Variants in ESRRG observed in about 807,000 individuals in gnomAD.
ESRRG encodes estrogen-related receptor gamma.
In ESRRG, 13 loss-of-function variants were observed where a neutral mutation model predicts 44.0. That is an observed-to-expected ratio of 0.30 (90% confidence interval 0.19 to 0.47). The LOEUF (loss-of-function observed/expected upper bound fraction) is 0.47. Ranked by LOEUF, ESRRG falls within the 20% of genes least tolerant of loss-of-function variation. The pLI, the probability that ESRRG is intolerant of heterozygous loss-of-function variation, is 1.00. For synonymous variants in ESRRG, 215 were observed against 214.6 expected (o/e 1.00, Z -0.02); for missense variants, 395 against 580.6 (o/e 0.68, Z 3.29).
intron 1 of ESRRG, among the ~76,000 whole-genome samples, chr1:217,002,267 A>C (rs2077124535): frequency 6.7e-6 from 1 of 148,768 alleles, no homozygotes. Flanking sequence ...GTGCCACTGC[A>C]CTCCAGCCTG....
At chr1:216,535,357 A>T (rs2050622517) in intron 5 of ESRRG, among the ~76,000 whole-genome samples, 1 of 152,066 alleles carries the variant, frequency 6.6e-6, no homozygotes, top group Non-Finnish European at 1.5e-5. Flanking sequence ...GATGTTCCTC[A>T]ATATGGGCAG....
rs141050362 is a variant in ESRRG, at chr1:216,979,290, G to T, written c.-105-39617C>A. Among the ~76,000 whole-genome samples the T allele has an allele frequency of 4.2e-3, 640 of 152,166 alleles. 2 individuals carry two copies. Among genetic ancestry groups the T allele is most frequent in the African/African-American group, 0.015 (608 of 41,502 alleles). ...CAGGATTGGCTTTAAGGGATAAAAT[G>T]CCTCTCCTCCCAACTCTCAACTAAC... is the stretch of plus-strand genomic sequence containing the variant. On this transcript the variant is annotated intron_variant, in intron 1 of 7. Coordinates refer to the ESRRG transcript ENST00000359162.
At chr1:216,792,038 G>T (rs953416838) in intron 2 of ESRRG, among the ~76,000 whole-genome samples, 1 of 152,062 alleles carries the variant, frequency 6.6e-6, no homozygotes, top group Non-Finnish European at 1.5e-5. Flanking sequence ...AAGAAGAAGG[G>T]TTAAGTTTTC....
intron 1 of ESRRG, among the ~76,000 whole-genome samples, chr1:217,099,240 C>G (rs564896935): frequency 6.6e-6 from 1 of 152,296 alleles, no homozygotes; most frequent in Non-Finnish European, 1.5e-5. Context: ...AAGGCATCTT[C>G]TTCACAGTTA....
chr1:216,507,964 A>C (rs1288862731), intron 6 of ESRRG, among the ~76,000 whole-genome samples: 3 of 151,034 alleles, frequency 2.0e-5, no homozygotes, highest in Non-Finnish European at 4.4e-5. Flanking sequence ...GAAAAAATAA[A>C]AGTTACAGCT....
chr1:216,667,027 C>T (rs1348894241), intron 2 of ESRRG, among the ~76,000 whole-genome samples: 1 of 152,080 alleles, frequency 6.6e-6, no homozygotes, highest in Non-Finnish European at 1.5e-5. Context: ...GTTTGAGTAA[C>T]CCAGACGGGT....
intron 2 of ESRRG, among the ~76,000 whole-genome samples, chr1:216,922,225 C>T (rs1435955369): frequency 1.3e-5 from 2 of 152,126 alleles, no homozygotes; most frequent in South Asian, 2.1e-4. Context: ...ACAGATGAAG[C>T]GTACACAGCA....
chr1:217,134,939 C>A (rs2102553792), intron 1 of ESRRG, among the ~76,000 whole-genome samples: 1 of 152,358 alleles, frequency 6.6e-6, no homozygotes, highest in East Asian at 1.9e-4. Flanking sequence ...GGTGCCGCAG[C>A]GCCCAGTTTA....
intron 2 of ESRRG, among the ~76,000 whole-genome samples, chr1:216,808,661 C>G (rs1479967134): frequency 2.6e-5 from 4 of 152,062 alleles, no homozygotes; most frequent in Non-Finnish European, 5.9e-5. Context: ...TGGGCTCAAG[C>G]TATCTGCCTA....
At chr1:217,021,419 T>C (rs1579613750) in intron 1 of ESRRG, among the ~76,000 whole-genome samples, 1 of 152,144 alleles carries the variant, frequency 6.6e-6, no homozygotes. Context: ...TGGACTCTCG[T>C]TGAATAGGAA....
At chr1:216,888,335 C>T (rs1470981390) in intron 2 of ESRRG, among the ~76,000 whole-genome samples, 1 of 152,170 alleles carries the variant, frequency 6.6e-6, no homozygotes, top group Admixed American at 6.5e-5. Flanking sequence ...TTGTAGTAAT[C>T]TCAGGCTCTT....
intron 1 of ESRRG, among the ~76,000 whole-genome samples, chr1:216,980,208 A>G (rs1231830255): frequency 6.6e-6 from 1 of 152,176 alleles, no homozygotes; most frequent in Non-Finnish European, 1.5e-5. Context: ...ACCACTGTGC[A>G]CAGAATGGTA....
intron 3 of ESRRG, among the ~76,000 whole-genome samples, chr1:216,634,680 C>T (rs966594504): frequency 1.3e-5 from 2 of 152,098 alleles, no homozygotes; most frequent in African/African-American, 4.8e-5. Flanking sequence ...GCAGACTGCC[C>T]AGGGGGGACA....
At chr1:216,934,339 C>T (rs555646192) in intron 2 of ESRRG, among the ~76,000 whole-genome samples, 2 of 152,128 alleles carry the variant, frequency 1.3e-5, no homozygotes, top group Non-Finnish European at 2.9e-5. Flanking sequence ...GAGGCTGAGG[C>T]AGGAGACTTG....
chr1:216,511,700 C>T (rs1368692461), intron 6 of ESRRG, among the ~76,000 whole-genome samples: 3 of 152,124 alleles, frequency 2.0e-5, no homozygotes, highest in African/African-American at 4.8e-5. Flanking sequence ...TGATTCTAGG[C>T]TTCAGCCAGA....
intron 5 of ESRRG, among the ~76,000 whole-genome samples, chr1:216,547,009 G>A (rs1408952852): frequency 1.3e-5 from 2 of 151,614 alleles, no homozygotes; most frequent in Non-Finnish European, 2.9e-5. Flanking sequence ...CTATGTCCAT[G>A]TGTTCTCATT....
At chr1:216,846,851 T>C (rs2148934175) in intron 2 of ESRRG, among the ~76,000 whole-genome samples, 1 of 152,120 alleles carries the variant, frequency 6.6e-6, no homozygotes, top group Admixed American at 6.6e-5. Context: ...GACATTCCCC[T>C]TATGTAGTTC....
chr1:216,802,001 A>T (rs1305729750), intron 2 of ESRRG, among the ~76,000 whole-genome samples: 1 of 152,168 alleles, frequency 6.6e-6, no homozygotes. Flanking sequence ...TACACTTGTT[A>T]GCTCTGGTAA....
intron 2 of ESRRG, among the ~76,000 whole-genome samples, chr1:216,837,333 C>A (rs1167726273): frequency 6.6e-6 from 1 of 151,236 alleles, no homozygotes; most frequent in Non-Finnish European, 1.5e-5. Context: ...ATGGCGTGAA[C>A]CTGGGAGGTG....
Sources: allele counts gnomAD v4.1 joint callset (sites outside exome capture counted in the v4.1 genomes callset), GRCh38; gene constraint gnomAD v4.1.1; transcripts MANE v1.5; gene names NCBI Gene and HGNC (gene_info 2026-07-23, HGNC 2026-07-21).